PTPN2: variants seen among roughly 807,000 people sequenced by gnomAD.
PTPN2 encodes protein tyrosine phosphatase non-receptor type 2.
In PTPN2, 19 loss-of-function variants were observed where a neutral mutation model predicts 57.3. That is an observed-to-expected ratio of 0.33 (90% confidence interval 0.23 to 0.49). PTPN2 has a LOEUF of 0.49. PTPN2 is among the 20% of genes least tolerant of loss of function. The pLI, the probability that PTPN2 is intolerant of heterozygous loss-of-function variation, is 0.99. For missense variants in PTPN2, 358 were observed against 501.1 expected (o/e 0.71, Z 2.73); for synonymous variants, 153 against 164.9 (o/e 0.93, Z 0.55).
At chr18:12,802,311 T>C (rs930124804) in intron 7 of PTPN2, among the ~76,000 whole-genome samples, 160 bp from the exon 8 acceptor site, 3 of 152,234 alleles carry the variant, frequency 2.0e-5, no homozygotes, top group Non-Finnish European at 2.9e-5. Flanking sequence ...ATACTGTAGC[T>C]TGTAACAACT....
downstream of PTPN2, among the ~76,000 whole-genome samples, chr18:12,790,748 AC>A (rs1366735815): frequency 2.6e-5 from 4 of 152,236 alleles, no homozygotes; most frequent in African/African-American, 9.6e-5. Flanking sequence ...GATTCATACC[AC>A]CAACTTTAGT....
intron 7 of PTPN2, among the ~76,000 whole-genome samples, chr18:12,807,586 A>AAATATAT: frequency 0.02 from 713 of 35,110 alleles, 16 homozygotes; most frequent in Non-Finnish European, 0.027. Flanking sequence ...AAAAAAAAAA[A>AAATATAT]ATATATATAT....
intron 1 of PTPN2, chr18:12,863,536 C>A (rs1284957464): frequency 2.8e-5 from 3 of 108,252 alleles, no homozygotes; most frequent in African/African-American, 1.1e-4. Context: ...ACATTTTAGG[C>A]TAGCTAATTT....
chr18:12,837,164 T>C (rs773945818), intron 2 of PTPN2, among the ~76,000 whole-genome samples: 11 of 152,134 alleles, frequency 7.2e-5, no homozygotes, highest in Non-Finnish European at 1.3e-4. Context: ...GGAGTAAACA[T>C]AGTTAAATGA....
chr18:12,790,693 CTG>C (rs536246533), downstream of PTPN2, among the ~76,000 whole-genome samples: 21 of 152,324 alleles, frequency 1.4e-4, no homozygotes, highest in African/African-American at 4.8e-4. Flanking sequence ...AACTGGAAGA[CTG>C]TTTCATATCA....
chr18:12,804,869 G>A (rs1297083235), intron 7 of PTPN2, among the ~76,000 whole-genome samples: 2 of 152,066 alleles, frequency 1.3e-5, no homozygotes, highest in African/African-American at 4.8e-5. Flanking sequence ...AAATCATTCT[G>A]TAAGGCCAGC....
At chr18:12,825,487 G>A (rs1465372290) in intron 5 of PTPN2, among the ~76,000 whole-genome samples, 1 of 152,150 alleles carries the variant, frequency 6.6e-6, no homozygotes, top group Non-Finnish European at 1.5e-5. Flanking sequence ...CTAAAGTACA[G>A]CTCTACTAAG....
intron 6 of PTPN2, among the ~76,000 whole-genome samples, chr18:12,815,855 A>G (rs2042057856): frequency 6.6e-6 from 1 of 152,228 alleles, no homozygotes; most frequent in Non-Finnish European, 1.5e-5. Context: ...GTTTACAATG[A>G]AAAGCATCAT....
intron 2 of PTPN2, chr18:12,843,876 C>T (rs1385712424): frequency 6.6e-6 from 1 of 152,292 alleles, no homozygotes; most frequent in African/African-American, 2.4e-5. Flanking sequence ...TTACCACAAA[C>T]AAATTCACAT....
intron 2 of PTPN2, among the ~76,000 whole-genome samples, 170 bp downstream of exon 2, chr18:12,858,994 T>G (rs1032251626): frequency 8.5e-5 from 13 of 152,202 alleles, no homozygotes; most frequent in African/African-American, 2.9e-4. Flanking sequence ...GGGTAATTAT[T>G]TTTCCTTCCA....
intron 1 of PTPN2, among the ~76,000 whole-genome samples, chr18:12,870,330 T>C (rs12959426): frequency 0.015 from 643 of 42,242 alleles, 62 homozygotes; most frequent in African/African-American, 0.03. Flanking sequence ...TGTATATATA[T>C]GTATATATAT....
chr18:12,878,191 T>C (rs1409151742), intron 1 of PTPN2, among the ~76,000 whole-genome samples: 1 of 150,412 alleles, frequency 6.6e-6, no homozygotes, highest in African/African-American at 2.5e-5. Context: ...ACAAAAAAAT[T>C]AGCCAGGCCC....
chr18:12,834,331 A>AAC (rs1717141072), intron 3 of PTPN2, among the ~76,000 whole-genome samples: 1 of 151,340 alleles, frequency 6.6e-6, no homozygotes, highest in African/African-American at 2.4e-5. Context: ...CATCTCAAAA[A>AAC]AAAAAAAAAA....
Position 12,785,560 on chromosome 18 carries a change from CTAATT to C in PTPN2, c.*258_*262del, listed in dbSNP as rs546629500. ...GCAGTACAATACAAAGTAATCTCCC[CTAATT>C]TATTTCTTGTACATCTTTCTACATT... is the stretch of plus-strand genomic sequence containing the variant. On this transcript the variant is annotated 3_prime_UTR_variant, in exon 10 of 10. Transcript: ENST00000327283. The C allele has an allele frequency of 1.5e-3, 816 of 532,620 alleles. 2 individuals are homozygous for C. The highest frequency in any genetic ancestry group is 0.014 in the African/African-American group (708 of 51,396). The allele number at this position is 532,620 out of a possible 1,614,324, so 33.0% of individuals were successfully genotyped here. A position where few individuals can be genotyped will look rare whatever the true frequency, so the allele number is the denominator to read the frequency against.
At chr18:12,866,593 C>G (rs748268879) in intron 1 of PTPN2, among the ~76,000 whole-genome samples, 5 of 152,158 alleles carry the variant, frequency 3.3e-5, no homozygotes, top group Non-Finnish European at 7.4e-5. Flanking sequence ...TGGAGAATAA[C>G]TGTATGTACC....
chr18:12,865,104 C>A (rs1242198597), intron 1 of PTPN2, among the ~76,000 whole-genome samples: 1 of 152,124 alleles, frequency 6.6e-6, no homozygotes, highest in Non-Finnish European at 1.5e-5. Context: ...TATCTTTAAG[C>A]AGACATTCAT....
chr18:12,791,145 G>C (rs1016372286), downstream of PTPN2, among the ~76,000 whole-genome samples: 3 of 151,994 alleles, frequency 2.0e-5, no homozygotes, highest in Non-Finnish European at 1.5e-5. Context: ...CTCAGTCATA[G>C]GCTAACATAA....
Position 12,793,241 on chromosome 18 carries a change from G to C in PTPN2, c.*1037C>G, listed in dbSNP as rs1254603215. 2.0e-6 allele frequency: 2 copies of C among 976,022 alleles called. No homozygotes were observed. Among genetic ancestry groups the C allele is most frequent in the African/African-American group, 3.5e-5 (2 of 57,036 alleles). 60.5% of individuals were successfully genotyped at this position (976,022 alleles called of 1,614,324 possible). A position where few individuals can be genotyped will look rare whatever the true frequency, so the allele number is the denominator to read the frequency against. ...TAAAAAATATTCATTAAGTTAAAATGACAATGTAAGGTTTGCATATAATCA... is the reference window on the plus strand; with the variant it reads ...TAAAAAATATTCATTAAGTTAAAATCACAATGTAAGGTTTGCATATAATCA... On this transcript the variant is annotated 3_prime_UTR_variant, in exon 9 of 9. Coordinates refer to ENST00000309660, the MANE Select transcript of PTPN2 (RefSeq NM_002828.4).
chr18:12,854,326 C>CT (rs1353786188), intron 2 of PTPN2, among the ~76,000 whole-genome samples: 1 of 146,916 alleles, frequency 6.8e-6, no homozygotes, highest in African/African-American at 2.5e-5. Context: ...TGCCACTGCA[C>CT]TCCAGCCTGA....
Sources: gnomAD v4.1 joint callset for allele counts (sites outside exome capture counted in the v4.1 genomes callset) on GRCh38, gnomAD v4.1.1 for gene constraint, MANE v1.5 for transcripts, NCBI Gene and HGNC (gene_info 2026-07-23, HGNC 2026-07-21) for gene names.